Variants in HPS3 observed in about 807,000 individuals in gnomAD.
The protein encoded by HPS3 is BLOC-2 complex member HPS3.
HPS3 carries 79 observed loss-of-function variants against 110.9 expected under a neutral mutation model. The ratio of observed to expected loss-of-function variants is 0.71; its 90% CI spans 0.59 to 0.86. The LOEUF is 0.86. Ranked by LOEUF, HPS3 falls within the 40% of genes least tolerant of loss-of-function variation. The probability of loss-of-function intolerance (pLI) is 0.00; values close to 1 mark genes in which losing one functional copy is unlikely to be tolerated. For synonymous variants in HPS3, 428 were observed against 451.0 expected (o/e 0.95, Z 0.65); for missense variants, 1,197 against 1,206.2 (o/e 0.99, Z 0.11).
chr3:149,168,371 T>C (rs1475689783), intron 16 of HPS3: 2 of 207,502 alleles, frequency 9.6e-6, no homozygotes, highest in Non-Finnish European at 2.0e-5. Context: ...CAAGTATTGA[T>C]GAATAACAAC....
intron 16 of HPS3, among the ~76,000 whole-genome samples, chr3:149,171,314 C>A (rs1724967496): frequency 1.3e-5 from 2 of 152,032 alleles, no homozygotes; most frequent in Admixed American, 6.6e-5. Context: ...AACACCATTG[C>A]AGTTTGGGGG....
At chr3:149,137,641 GC>G (rs1722196306) in intron 1 of HPS3, among the ~76,000 whole-genome samples, 1 of 152,134 alleles carries the variant, frequency 6.6e-6, no homozygotes, top group South Asian at 2.1e-4. Flanking sequence ...GTATTATTTG[GC>G]CTTAATGAAA....
At chr3:149,163,214 A>G (rs1379946414) in intron 13 of HPS3, among the ~76,000 whole-genome samples, 1 of 152,232 alleles carries the variant, frequency 6.6e-6, no homozygotes, top group Non-Finnish European at 1.5e-5. Flanking sequence ...GGAACATAAG[A>G]GAGAAGACAT....
At chr3:149,168,259 G>A (rs1421603773) in intron 16 of HPS3, 4 of 381,822 alleles carry the variant, frequency 1.0e-5, no homozygotes, top group Non-Finnish European at 9.7e-6. Flanking sequence ...GTTTTAAAAT[G>A]TGAGTAGTCA....
intron 4 of HPS3, among the ~76,000 whole-genome samples, chr3:149,143,206 G>A (rs12487928): frequency 6.6e-5 from 10 of 151,976 alleles, no homozygotes; most frequent in African/African-American, 2.2e-4. Context: ...TAAGCCCATC[G>A]TGTCCCACTC....
intron 1 of HPS3, among the ~76,000 whole-genome samples, chr3:149,133,988 T>TA (rs1553750663): frequency 0.018 from 2,809 of 151,918 alleles, 93 homozygotes; most frequent in African/African-American, 0.064. Flanking sequence ...TGTTTTTTTT[T>TA]AAAAAAAATG....
At chr3:149,153,246 A>G (rs1385304007) in intron 6 of HPS3, among the ~76,000 whole-genome samples, 4 of 152,148 alleles carry the variant, frequency 2.6e-5, no homozygotes, top group African/African-American at 9.7e-5. Flanking sequence ...TATTCAATCA[A>G]TCAATAACTG....
At chr3:149,157,586 A>G in intron 9 of HPS3, 55 bp downstream of exon 9, 1 of 1,519,164 alleles carries the variant, frequency 6.6e-7, no homozygotes, top group South Asian at 1.1e-5. Flanking sequence ...CTTTGGGTAC[A>G]CTTGTTAGCT....
At position 149,141,033 on chromosome 3, in the gene HPS3, T is replaced by A; in HGVS notation, c.729T>A (p.Ile243=). ...TTTTTTAAGGCATCAGTAATGAAATTTCACAGCTTGAGTCAGATGATTTTG... is the reference window on the plus strand; with the variant it reads ...TTTTTTAAGGCATCAGTAATGAAATATCACAGCTTGAGTCAGATGATTTTG... The part of the protein sequence containing the change: ...RRTEEGISNE[I]SQLESDDFVI... The change falls in exon 3 of 17, where the codon ATT becomes ATA. Residue 243 remains isoleucine (I), a synonymous_variant. Transcript: ENST00000296051. 1.2e-6 allele frequency: 2 copies of A among 1,614,018 alleles called. No homozygotes were observed. Among genetic ancestry groups the A allele is most frequent in the Non-Finnish European group, 1.7e-6 (2 of 1,179,962 alleles).
At chr3:149,154,585 A>G (rs114493741) in intron 7 of HPS3, among the ~76,000 whole-genome samples, 41 of 152,372 alleles carry the variant, frequency 2.7e-4, no homozygotes, top group Non-Finnish European at 5.3e-4. Context: ...AATTCATTTG[A>G]TAAACAATTA....
intron 16 of HPS3, among the ~76,000 whole-genome samples, chr3:149,168,741 C>T (rs1724682841): frequency 6.6e-6 from 1 of 152,118 alleles, no homozygotes; most frequent in Non-Finnish European, 1.5e-5. Flanking sequence ...TATTCTCTGT[C>T]CTACCCGTCT....
At chr3:149,162,646 C>G in intron 12 of HPS3, 44 bp from the exon 13 acceptor site, 1 of 1,586,872 alleles carries the variant, frequency 6.3e-7, no homozygotes, top group Non-Finnish European at 8.7e-7. Flanking sequence ...TTTATCAGTG[C>G]TATATTTATC....
Position 149,150,609 on chromosome 3 carries a change from C to G in HPS3, c.1174C>G (p.Gln392Glu), listed in dbSNP as rs1425900826. 1 of 1,613,944 alleles carries G rather than the reference C, an allele frequency of 6.2e-7. No homozygotes were observed. Among genetic ancestry groups the G allele is most frequent in the Non-Finnish European group, 8.5e-7 (1 of 1,179,824 alleles). ...FLHVITSNNL[Q>E]CFTVRCSAAA... ...TGTCTTCCTCCTCAGTAACAACCTG[C>G]AGTGTTTCACTGTGCGGTGCAGTGC... is the stretch of plus-strand genomic sequence containing the variant. The change falls in exon 6 of 17, where the codon CAG becomes GAG. Residue 392 changes from glutamine to glutamate, a missense_variant. Transcript: ENST00000296051.
chr3:149,154,730 G>T (rs2108154528), intron 7 of HPS3, among the ~76,000 whole-genome samples: 1 of 152,286 alleles, frequency 6.6e-6, no homozygotes, highest in South Asian at 2.1e-4. Context: ...GCTTAGATTT[G>T]TGGCTCAGGG....
In HPS3 at chr3:149,129,836, G is replaced by A; in HGVS notation, c.113G>A (p.Gly38Asp). Residue 38 changes from glycine to aspartate, a missense_variant, in exon 1 of 17, where the codon GGC (glycine) becomes GAC (aspartate). Physicochemically the swap from Gly to Asp is moderately conservative, Grantham distance 94 (BLOSUM62 -1). Coordinates refer to ENST00000296051, the MANE Select transcript of HPS3 (RefSeq NM_032383.5). ...CGTGACGCGCTTTTCGTGGCGGCGG[G>A]CTGCAAGGTGGAGGCGTTCGCGGTG... ...GGRDALFVAA[G>D]CKVEAFAVAG... is the part of the protein sequence containing the mutation. 6.2e-7 allele frequency: 1 copy of A among 1,604,818 alleles called. No individual in the cohort carries two copies. Among genetic ancestry groups the A allele is most frequent in the East Asian group, 2.2e-5 (1 of 44,784 alleles).
chr3:149,157,584 A>G (rs780612717), intron 9 of HPS3, 53 bp downstream of exon 9: 4 of 1,538,768 alleles, frequency 2.6e-6, no homozygotes, highest in Non-Finnish European at 3.6e-6. Context: ...AACTTTGGGT[A>G]CACTTGTTAG....
At position 149,158,701 on chromosome 3, in the gene HPS3, A is replaced by G; in HGVS notation, c.1727A>G (p.Tyr576Cys). The change falls in exon 10 of 17, where the codon TAC (tyrosine) becomes TGC (cysteine). Residue 576 changes from tyrosine to cysteine, a missense_variant. Transcript: ENST00000296051. ...CAGCATTCTCATCTCACCTTGCCAT[A>G]CTATAAGATGTCTGGTTTGTCTATG... ...DSQHSHLTLP[Y>C]YKMSGLSMAE... 7 of 1,613,806 alleles carry G rather than the reference A, an allele frequency of 4.3e-6. No individual in the cohort carries two copies. The highest frequency in any genetic ancestry group is 5.1e-6 in the Non-Finnish European group (6 of 1,179,810).
intron 1 of HPS3, among the ~76,000 whole-genome samples, chr3:149,137,226 C>T (rs1576662326): frequency 6.6e-6 from 1 of 152,038 alleles, no homozygotes; most frequent in African/African-American, 2.4e-5. Flanking sequence ...AGAAAAGATG[C>T]TCAAAATCAC....
chr3:149,166,893 C>A, intron 14 of HPS3, 141 bp from the exon 15 acceptor site: 1 of 694,084 alleles, frequency 1.4e-6, no homozygotes. Flanking sequence ...AAATAAGGAC[C>A]ACGTGCATGT....
Sources: gnomAD v4.1 joint callset for allele counts (sites outside exome capture counted in the v4.1 genomes callset) on GRCh38, gnomAD v4.1.1 for gene constraint, MANE v1.5 for transcripts, NCBI Gene and HGNC (gene_info 2026-07-23, HGNC 2026-07-21) for gene names.